The following TBXAS1 variants were observed in gnomAD, a reference collection of about 807,000 sequenced individuals.
TBXAS1 encodes thromboxane-A synthase.
A neutral mutation model predicts 60.7 loss-of-function variants in TBXAS1; 48 were observed. That is an observed-to-expected ratio of 0.79 (90% confidence interval 0.63 to 1.01). The LOEUF (loss-of-function observed/expected upper bound fraction) is 1.01. TBXAS1 is among the 50% of genes least tolerant of loss of function. The pLI, the probability that TBXAS1 is intolerant of heterozygous loss-of-function variation, is 0.00. For missense variants in TBXAS1, 685 were observed against 686.3 expected, an observed-to-expected ratio of 1.00 and a Z score of 0.02; for synonymous variants, 287 against 269.7, an observed-to-expected ratio of 1.06 and a Z score of -0.63.
chr7:139,826,370 GGACACTAA>G (rs1267703153), upstream of TBXAS1, among the ~76,000 whole-genome samples: 2 of 152,078 alleles, frequency 1.3e-5, no homozygotes, highest in African/African-American at 2.4e-5. Flanking sequence ...TGCAGTTGGG[GGACACTAA>G]GTAGGAGTGA....
chr7:139,912,762 T>A (rs1036862923), intron 4 of TBXAS1, among the ~76,000 whole-genome samples: 3 of 152,180 alleles, frequency 2.0e-5, no homozygotes, highest in Admixed American at 6.5e-5. Context: ...TCCCCCTGCC[T>A]GTGTTCCGAA....
At chr7:139,844,164 G>T (rs942566268) in intron 1 of TBXAS1, among the ~76,000 whole-genome samples, 1 of 152,152 alleles carries the variant, frequency 6.6e-6, no homozygotes, top group Non-Finnish European at 1.5e-5. Context: ...GTACATGGGG[G>T]TATATAGAGC....
rs140446971 is a variant in TBXAS1, at chr7:139,849,367, T to TC, written c.89+19893dup. ...GCACTTCCAACAGCAAAGACCCTGT[T>TC]CCCCCAAAAAAAACACAAAAAACAA... On this transcript the variant is annotated intron_variant, in intron 1 of 12. Transcript: ENST00000448866. 2.9e-3 allele frequency among the ~76,000 whole-genome samples: 418 copies of TC among 144,228 alleles called. 3 individuals carry two copies. The East Asian group carries it at 0.033, about 11-fold the overall frequency. The allele number at this position is 144,228 out of a possible 152,430, so 94.6% of individuals were successfully genotyped here. A position where few individuals can be genotyped will look rare whatever the true frequency, so the allele number is the denominator to read the frequency against.
intron 1 of TBXAS1, among the ~76,000 whole-genome samples, chr7:139,863,282 A>G (rs12536965): frequency 0.14 from 21,298 of 152,158 alleles, 1,552 homozygotes; most frequent in Admixed American, 0.18. Flanking sequence ...AATGACTGCA[A>G]TGACTATGTC....
intron 4 of TBXAS1, among the ~76,000 whole-genome samples, chr7:139,824,124 G>A (rs146406673): frequency 5.9e-4 from 90 of 152,300 alleles, no homozygotes; most frequent in African/African-American, 2.0e-3. Flanking sequence ...CAGAATTTAT[G>A]GAGTGAAAGC....
Position 139,978,045 on chromosome 7 carries a change from C to T in TBXAS1, c.1134+15812C>T, listed in dbSNP as rs564913144. ...TGAACGATGTCGGGGGTATTGTCCA[C>T]CTCCCAGTGCTCAGTCTGTGGCTTG... On this transcript the variant is annotated intron_variant, in intron 9 of 12. Transcript: ENST00000448866. 5.9e-5 allele frequency among the ~76,000 whole-genome samples: 9 copies of T among 152,200 alleles called. No individual in the cohort carries two copies. The South Asian group carries it at 1.9e-3, about 32-fold the overall frequency.
intron 4 of TBXAS1, among the ~76,000 whole-genome samples, chr7:139,925,990 T>G (rs1357192269): frequency 6.6e-6 from 1 of 152,236 alleles, no homozygotes; most frequent in African/African-American, 2.4e-5. Flanking sequence ...AAATCCCACT[T>G]GGTCATGATT....
In TBXAS1 at chr7:139,907,146, A is replaced by T. The variant is rs77003680; in HGVS notation, c.237-4079A>T. Among the ~76,000 whole-genome samples, 577 of 152,312 alleles carry T rather than the reference A, an allele frequency of 3.8e-3. 4 individuals are homozygous for T. The highest frequency in any genetic ancestry group is 0.02 in the Middle Eastern group (6 of 294). ...TAAGGAAAAGCATTCAGTCTTTCAC[A>T]TTAAGTATGACATTAGCTGTAAGGT... On this transcript the variant is annotated intron_variant, in intron 3 of 12. Transcript: ENST00000448866.
intron 3 of TBXAS1, among the ~76,000 whole-genome samples, chr7:139,879,758 A>C (rs1802538983): frequency 6.6e-6 from 1 of 152,144 alleles, no homozygotes; most frequent in Non-Finnish European, 1.5e-5. Flanking sequence ...AAATATTTAC[A>C]CAGTGCCCTA....
chr7:139,858,282 T>C (rs1184821933), intron 1 of TBXAS1, among the ~76,000 whole-genome samples: 1 of 152,170 alleles, frequency 6.6e-6, no homozygotes, highest in Non-Finnish European at 1.5e-5. Context: ...CTGTTCTCAG[T>C]TTAATGATTT....
chr7:139,873,615 G>A (rs145079078), intron 2 of TBXAS1, among the ~76,000 whole-genome samples: 4 of 152,284 alleles, frequency 2.6e-5, no homozygotes, highest in East Asian at 1.9e-4. Flanking sequence ...GAAATAAAAC[G>A]TTGGGTGGGG....
rs539428124 is a variant in TBXAS1, at chr7:139,808,337, C to CA, written c.-80+20918dup. On this transcript the variant is annotated intron_variant, in intron 4 of 16. Coordinates refer to the TBXAS1 transcript ENST00000336425. ...TGGGTGACAGAGTGAGACCCTGTCT[C>CA]AAAAAAACAAAAACAAAACCCTCAA... Among the ~76,000 whole-genome samples, 243 of 151,132 alleles carry CA rather than the reference C, an allele frequency of 1.6e-3. 2 individuals carry two copies. The highest frequency in any genetic ancestry group is 5.6e-3 in the African/African-American group (231 of 41,110).
intron 1 of TBXAS1, among the ~76,000 whole-genome samples, chr7:139,846,457 G>A (rs1799809793): frequency 6.6e-6 from 1 of 152,196 alleles, no homozygotes; most frequent in Non-Finnish European, 1.5e-5. Context: ...AGGATTACAT[G>A]AGTAAGAACA....
chr7:139,859,793 A>G (rs541562428), intron 1 of TBXAS1, among the ~76,000 whole-genome samples: 6 of 152,332 alleles, frequency 3.9e-5, no homozygotes, highest in East Asian at 1.9e-4. Context: ...CTGAATTACA[A>G]TAACCATCAA....
upstream of TBXAS1, among the ~76,000 whole-genome samples, chr7:139,826,087 G>A (rs759547237): frequency 2.6e-5 from 4 of 151,988 alleles, no homozygotes; most frequent in Admixed American, 6.5e-5. Context: ...GTCACTGCTC[G>A]CTCCCTGAAT....
At chr7:139,802,171 A>G (rs1797739161) in intron 4 of TBXAS1, among the ~76,000 whole-genome samples, 1 of 152,190 alleles carries the variant, frequency 6.6e-6, no homozygotes, top group South Asian at 2.1e-4. Flanking sequence ...CCTCCATCAA[A>G]TGTAGTTTAA....
At chr7:139,880,501 C>T (rs1474289417) in intron 3 of TBXAS1, among the ~76,000 whole-genome samples, 1 of 152,198 alleles carries the variant, frequency 6.6e-6, no homozygotes, top group African/African-American at 2.4e-5. Flanking sequence ...AGTACACTTG[C>T]TCCCACCCTG....
intron 1 of TBXAS1, 133 bp downstream of exon 1, chr7:139,829,612 G>A (rs2116477561): frequency 3.7e-6 from 3 of 816,858 alleles, no homozygotes; most frequent in South Asian, 3.0e-5. Flanking sequence ...TATTAACACA[G>A]CTTCAGAATT....
chr7:139,917,397 C>T (rs994239502), intron 4 of TBXAS1, among the ~76,000 whole-genome samples: 1 of 152,162 alleles, frequency 6.6e-6, no homozygotes, highest in Non-Finnish European at 1.5e-5. Context: ...AAGGTCTTTG[C>T]TGTGCATAGG....
Sources: gnomAD v4.1 joint callset for allele counts (sites outside exome capture counted in the v4.1 genomes callset) on GRCh38, gnomAD v4.1.1 for gene constraint, MANE v1.5 for transcripts, NCBI Gene and HGNC (gene_info 2026-07-23, HGNC 2026-07-21) for gene names.